SPDEF: variants seen among roughly 807,000 people sequenced by gnomAD.
SPDEF encodes the protein SAM pointed domain-containing Ets transcription factor.
Under a neutral mutation model 36.0 loss-of-function variants are expected in SPDEF, and 12 were observed. The observed-to-expected ratio is 0.33, with a 90% CI of 0.21 to 0.54. The LOEUF is 0.54. Among genes scored for constraint, SPDEF ranks in the 20% least tolerant of loss-of-function variants. The pLI, the probability that SPDEF is intolerant of heterozygous loss-of-function variation, is 0.93. For synonymous variants in SPDEF, 205 were observed against 193.0 expected, an observed-to-expected ratio of 1.06 and a Z score of -0.51; for missense variants, 388 against 456.9, an observed-to-expected ratio of 0.85 and a Z score of 1.37.
At chr6:34,553,991 C>T (rs1768117643) in intron 1 of SPDEF, among the ~76,000 whole-genome samples, 1 of 150,012 alleles carries the variant, frequency 6.7e-6, no homozygotes, top group African/African-American at 2.4e-5. Context: ...CCTTCAAGGT[C>T]CTGCTCCAGG....
intron 2 of SPDEF, 70 bp downstream of exon 2, chr6:34,543,950 G>T: frequency 1.3e-6 from 2 of 1,515,528 alleles, no homozygotes; most frequent in South Asian, 1.2e-5. Flanking sequence ...GCAGTGCCCC[G>T]ACCCACCCCA....
At position 34,539,455 on chromosome 6, in the gene SPDEF, G is replaced by A; in HGVS notation, c.683-59C>T. 6.2e-7 allele frequency: 1 copy of A among 1,610,758 alleles called. No homozygotes were observed. The highest frequency in any genetic ancestry group is 1.3e-5 in the African/African-American group (1 of 74,992). ...ATGGGAGGCCAGTCCCGGCTTCATTGGCAGCCACCCCTCCACCCCACCCGA... is the reference window on the plus strand; with the variant it reads ...ATGGGAGGCCAGTCCCGGCTTCATTAGCAGCCACCCCTCCACCCCACCCGA... On this transcript the variant is annotated intron_variant, in intron 4 of 5. Transcript: ENST00000374037. The surrounding 1 kb of genome is among the most constrained non-coding windows in gnomAD (Gnocchi z 5.2).
Position 34,538,388 on chromosome 6 carries a change from G to C in SPDEF, c.894C>G (p.Pro298=). ...ARLWGIRKNR[P]AMNYDKLSRS... Reference sequence around the variant, plus strand: ...GGCTCAGCTTGTCGTAGTTCATGGCGGGACGGTTCTTGCGGATGCCCCACA... The same window carrying C: ...GGCTCAGCTTGTCGTAGTTCATGGCCGGACGGTTCTTGCGGATGCCCCACA... Residue 298 remains proline (P), a synonymous_variant, in exon 6 of 6, where the codon CCC becomes CCG. Transcript: ENST00000374037. This position sits in a 1 kb window ranked among gnomAD's most constrained non-coding sequence, Gnocchi z 5.9. 1 of 1,614,090 alleles carries C rather than the reference G, an allele frequency of 6.2e-7. No homozygotes were observed. The highest frequency in any genetic ancestry group is 1.1e-5 in the South Asian group (1 of 91,068).
intron 1 of SPDEF, among the ~76,000 whole-genome samples, chr6:34,547,312 C>T (rs1767975710): frequency 6.6e-6 from 1 of 152,086 alleles, no homozygotes; most frequent in Non-Finnish European, 1.5e-5. Flanking sequence ...ATCCTTGACA[C>T]ATTTGCTGAG....
chr6:34,554,168 T>C (rs1330880892), intron 1 of SPDEF, among the ~76,000 whole-genome samples: 1 of 151,932 alleles, frequency 6.6e-6, no homozygotes, highest in African/African-American at 2.4e-5. Flanking sequence ...TGTGTCCCCC[T>C]GTCAGACTAA....
intron 1 of SPDEF, among the ~76,000 whole-genome samples, chr6:34,551,874 A>C (rs1401220840): frequency 2.0e-5 from 3 of 152,144 alleles, no homozygotes; most frequent in Non-Finnish European, 4.4e-5. Context: ...GCAGTGAGTC[A>C]TGCTGACGGG....
At chr6:34,542,115 T>C (rs894932731) in intron 2 of SPDEF, among the ~76,000 whole-genome samples, 4 of 152,216 alleles carry the variant, frequency 2.6e-5, no homozygotes, top group Non-Finnish European at 5.9e-5. Flanking sequence ...GGAGTCGGCC[T>C]GGCATGGGCA....
At chr6:34,542,582 C>T (rs533476078) in intron 2 of SPDEF, among the ~76,000 whole-genome samples, 20 of 152,370 alleles carry the variant, frequency 1.3e-4, no homozygotes, top group African/African-American at 4.3e-4. Flanking sequence ...TAGAATAAGG[C>T]TTGGCATATT....
At position 34,544,521 on chromosome 6, in the gene SPDEF, C is replaced by A; in HGVS notation, c.-29-37G>T. 1 of 1,441,626 alleles carries A rather than the reference C, an allele frequency of 6.9e-7. No individual in the cohort carries two copies. 89.3% of individuals were successfully genotyped at this position (1,441,626 alleles called of 1,614,324 possible). The stretch of plus-strand genomic sequence containing the variant: ...AAAGAGGACTCAGGTTTGACTGCTT[C>A]TCCATCCCTGTGGGGGCCGCTAAGC... On this transcript the variant is annotated intron_variant, in intron 1 of 5. Transcript: ENST00000374037. The surrounding 1 kb of genome is among the most constrained non-coding windows in gnomAD (Gnocchi z 4.4).
In SPDEF at chr6:34,539,227, C is replaced by T. The variant is rs2233647; in HGVS notation, c.829+23G>A. Reference sequence around the variant, plus strand: ...ACCTCCATGCTCACTGGCCCTGCAGCGCCCCTTGGGCACCCTGCTCACCCT... The same window carrying T: ...ACCTCCATGCTCACTGGCCCTGCAGTGCCCCTTGGGCACCCTGCTCACCCT... On this transcript the variant is annotated intron_variant, in intron 5 of 5. Transcript: ENST00000374037. The surrounding 1 kb of genome is among the most constrained non-coding windows in gnomAD (Gnocchi z 5.2). 0.025 allele frequency: 40,644 copies of T among 1,611,862 alleles called. 1,680 individuals are homozygous for T. Among genetic ancestry groups the T allele is most frequent in the African/African-American group, 0.16 (11,671 of 74,976 alleles).
rs1174849860 is a variant in SPDEF, at chr6:34,552,751, G to C, written c.-30+3178C>G. Among the ~76,000 whole-genome samples, 2 of 152,238 alleles carry C rather than the reference G, an allele frequency of 1.3e-5. No homozygotes were observed. Among genetic ancestry groups the C allele is most frequent in the African/African-American group, 4.8e-5 (2 of 41,474 alleles). Reference sequence around the variant, plus strand: ...AGATGAGAAAAGTCCAGAAAGAACTGTCCTGACAGGCTAAGAACAGAAATT... The same window carrying C: ...AGATGAGAAAAGTCCAGAAAGAACTCTCCTGACAGGCTAAGAACAGAAATT... On this transcript the variant is annotated intron_variant, in intron 1 of 5. Transcript: ENST00000374037. The surrounding 1 kb of genome is among the most constrained non-coding windows in gnomAD (Gnocchi z 4.6).
intron 1 of SPDEF, among the ~76,000 whole-genome samples, chr6:34,549,728 A>G (rs924849103): frequency 2.6e-5 from 4 of 152,154 alleles, no homozygotes; most frequent in African/African-American, 9.7e-5. Context: ...CTGAGACCCA[A>G]TGCCAGCCCG....
At chr6:34,545,862 G>A (rs919940789) in intron 1 of SPDEF, among the ~76,000 whole-genome samples, 97 of 151,994 alleles carry the variant, frequency 6.4e-4, no homozygotes, top group African/African-American at 2.2e-3. Flanking sequence ...GCAGTGAGCC[G>A]AGATCGTGCC....
At chr6:34,550,510 A>T (rs1191334095) in intron 1 of SPDEF, among the ~76,000 whole-genome samples, 1 of 152,324 alleles carries the variant, frequency 6.6e-6, no homozygotes, top group East Asian at 1.9e-4. Flanking sequence ...GAGAGCAGGG[A>T]GGTGACTGAG....
Position 34,539,193 on chromosome 6 carries a change from G to GC in SPDEF, c.829+56dup. 6.3e-7 allele frequency: 1 copy of GC among 1,593,204 alleles called. No homozygotes were observed. Among genetic ancestry groups the GC allele is most frequent in the Non-Finnish European group, 8.6e-7 (1 of 1,167,734 alleles). ...CCCCCATGCACCGTGCCTGGCAGAAGCCCCCACAACCTCCATGCTCACTGG... is the reference window on the plus strand; with the variant it reads ...CCCCCATGCACCGTGCCTGGCAGAAGCCCCCCACAACCTCCATGCTCACTGG... On this transcript the variant is annotated intron_variant, in intron 5 of 5. Transcript: ENST00000374037. This position sits in a 1 kb window ranked among gnomAD's most constrained non-coding sequence, Gnocchi z 5.2.
intron 1 of SPDEF, among the ~76,000 whole-genome samples, chr6:34,546,947 G>T (rs912348254): frequency 7.2e-5 from 11 of 151,886 alleles, no homozygotes; most frequent in Non-Finnish European, 1.3e-4. Context: ...GCCCCACCCT[G>T]CCTGGTGCCC....
At chr6:34,553,630 A>G (rs913017) in intron 1 of SPDEF, among the ~76,000 whole-genome samples, 148,930 of 152,082 alleles carry the variant, frequency 0.98, 72,960 homozygotes, top group Non-Finnish European at 1. Flanking sequence ...TTGAGTGTAC[A>G]TGAGGGGGGC....
chr6:34,545,867 C>T (rs752173081), intron 1 of SPDEF, among the ~76,000 whole-genome samples: 1 of 151,784 alleles, frequency 6.6e-6, no homozygotes, highest in East Asian at 1.9e-4. Context: ...GAGCCGAGAT[C>T]GTGCCACTGC....
Position 34,539,194 on chromosome 6 carries a change from C to A in SPDEF, c.829+56G>T. 1 of 1,590,540 alleles carries A rather than the reference C, an allele frequency of 6.3e-7. No homozygotes were observed. Among genetic ancestry groups the A allele is most frequent in the Non-Finnish European group, 8.6e-7 (1 of 1,168,710 alleles). ...CCCCATGCACCGTGCCTGGCAGAAG[C>A]CCCCACAACCTCCATGCTCACTGGC... On this transcript the variant is annotated intron_variant, in intron 5 of 5. Coordinates refer to ENST00000374037, the MANE Select transcript of SPDEF (RefSeq NM_012391.3). This position sits in a 1 kb window ranked among gnomAD's most constrained non-coding sequence, Gnocchi z 5.2.
Sources: allele counts gnomAD v4.1 joint callset (sites outside exome capture counted in the v4.1 genomes callset), GRCh38; gene constraint gnomAD v4.1.1; non-coding constraint Gnocchi (gnomAD v3.1); transcripts MANE v1.5; gene names NCBI Gene and HGNC (gene_info 2026-07-23, HGNC 2026-07-21).